Variants in NWD1 observed in about 807,000 individuals in gnomAD.
NWD1 encodes NACHT domain- and WD repeat-containing protein 1.
In NWD1, 129 loss-of-function variants were observed where a neutral mutation model predicts 135.1. That is an observed-to-expected ratio of 0.96 (90% CI 0.83 to 1.11). The LOEUF (loss-of-function observed/expected upper bound fraction) is 1.11. Among genes scored for constraint, NWD1 ranks in the 50% least tolerant of loss-of-function variants. The probability of loss-of-function intolerance (pLI) is 0.00; values close to 1 mark genes in which losing one functional copy is unlikely to be tolerated. For missense variants in NWD1, 1,740 were observed against 1,851.3 expected, an observed-to-expected ratio of 0.94 and a Z score of 1.10; for synonymous variants, 773 against 786.0, an observed-to-expected ratio of 0.98 and a Z score of 0.28.
chr19:16,794,691 C>T, intron 15 of NWD1, 138 bp downstream of exon 15: 1 of 672,882 alleles, frequency 1.5e-6, no homozygotes, highest in Non-Finnish European at 2.7e-6. Context: ...TCATAGTAAA[C>T]ATTTTTTGCA....
chr19:16,800,162 GGTT>G lies in NWD1; in HGVS notation c.3736+2_3736+4del. On this transcript the variant is annotated splice_donor_variant and splice_donor_region_variant and intron_variant, in intron 17 of 18. Transcript: ENST00000524140. LOFTEE classifies it high-confidence loss of function. Reference sequence around the variant, plus strand: ...AGTCACTATTTGGGACTTGGCAGAAGGTTGGTAAGGTATAAGTATGGTCATTTT... The same window carrying G: ...AGTCACTATTTGGGACTTGGCAGAAGGGTAAGGTATAAGTATGGTCATTTT... The G allele has an allele frequency of 6.2e-7, 1 of 1,607,912 alleles. No homozygotes were observed.
Position 16,750,230 on chromosome 19 carries a change from T to C in NWD1, c.1588T>C (p.Cys530Arg). ...TDLLWASLPE[C>R]GNPGRLRLAF... ...TTTGCTCTGGGCCAGCCTCCCAGAG[T>C]GTGGGAACCCAGGGCGGCTGAGGCT... Residue 530 changes from cysteine (C) to arginine (R), a missense_variant, in exon 6 of 19, where the codon TGT (cysteine) becomes CGT (arginine). Coordinates refer to ENST00000524140, the MANE Select transcript of NWD1 (RefSeq NM_001007525.5). 1 of 1,613,114 alleles carries C rather than the reference T, an allele frequency of 6.2e-7. No homozygotes were observed. Among genetic ancestry groups the C allele is most frequent in the South Asian group, 1.1e-5 (1 of 91,036 alleles).
At chr19:16,746,564 T>C (rs1038271527) in intron 5 of NWD1, among the ~76,000 whole-genome samples, 2 of 151,966 alleles carry the variant, frequency 1.3e-5, no homozygotes, top group African/African-American at 2.4e-5. Context: ...TCCCAGCTAC[T>C]CGGGAGGCTG....
chr19:16,730,313 T>C (rs1309561759), intron 2 of NWD1, among the ~76,000 whole-genome samples: 2 of 151,586 alleles, frequency 1.3e-5, no homozygotes, highest in Non-Finnish European at 2.9e-5. Flanking sequence ...AGAGTAAGAC[T>C]TCGTCTCAAA....
intron 17 of NWD1, among the ~76,000 whole-genome samples, chr19:16,803,719 C>A (rs1970668875): frequency 1.3e-5 from 2 of 149,824 alleles, no homozygotes; most frequent in South Asian, 2.1e-4. Flanking sequence ...GAGTTGGAGA[C>A]CAGCCTGGCC....
chr19:16,794,104 G>A (rs933272141), intron 14 of NWD1, among the ~76,000 whole-genome samples: 2 of 152,078 alleles, frequency 1.3e-5, no homozygotes, highest in African/African-American at 4.8e-5. Context: ...GGTGGCTCAC[G>A]CCTGTAATCC....
chr19:16,773,112 T>C lies in NWD1; in HGVS notation c.2411-14T>C, dbSNP rs1313246634. Reference sequence around the variant, plus strand: ...CTCAATCCAGGCAACTTAGTCTACATCCCTTTGTTGCAGAGAGGAGCCTCC... The same window carrying C: ...CTCAATCCAGGCAACTTAGTCTACACCCCTTTGTTGCAGAGAGGAGCCTCC... On this transcript the variant is annotated splice_polypyrimidine_tract_variant and intron_variant, in intron 10 of 18. Transcript: ENST00000524140. The C allele has an allele frequency of 2.5e-6, 4 of 1,611,928 alleles. No individual in the cohort carries two copies. Among genetic ancestry groups the C allele is most frequent in the Non-Finnish European group, 3.4e-6 (4 of 1,178,356 alleles).
chr19:16,799,275 A>C (rs1391910863), intron 16 of NWD1, among the ~76,000 whole-genome samples: 3 of 152,172 alleles, frequency 2.0e-5, no homozygotes, highest in Non-Finnish European at 2.9e-5. Context: ...AGCTCACTGC[A>C]ATCTCTGCCT....
intron 2 of NWD1, among the ~76,000 whole-genome samples, chr19:16,728,711 G>T (rs928778461): frequency 1.4e-4 from 22 of 151,848 alleles, no homozygotes; most frequent in Admixed American, 6.6e-5. Flanking sequence ...TTGGGAGGCC[G>T]AGGCGGGCGA....
Position 16,794,545 on chromosome 19 carries a change from T to C in NWD1, c.3296T>C (p.Leu1099Pro). The C allele has an allele frequency of 6.2e-7, 1 of 1,602,618 alleles. No homozygotes were observed. The highest frequency in any genetic ancestry group is 8.5e-7 in the Non-Finnish European group (1 of 1,172,326). ...GTGGTCTCTGAAGATGAGTCCCTCCTCGCCGCAGGTAGCGTTTAGCTCTCA... is the reference window on the plus strand; with the variant it reads ...GTGGTCTCTGAAGATGAGTCCCTCCCCGCCGCAGGTAGCGTTTAGCTCTCA... ...FLVVSEDESL[L>P]AAGFGRSVRI... The change falls in exon 15 of 19, where the codon CTC (leucine) becomes CCC (proline). Residue 1099 changes from leucine (L) to proline (P), a missense_variant. Physicochemically the swap from Leu to Pro is moderately conservative, Grantham distance 98. Coordinates refer to ENST00000524140, the MANE Select transcript of NWD1 (RefSeq NM_001007525.5).
At chr19:16,789,282 A>G in intron 13 of NWD1, 92 bp downstream of exon 13, 1 of 962,750 alleles carries the variant, frequency 1.0e-6, no homozygotes, top group Non-Finnish European at 1.6e-6. Flanking sequence ...GCTCCCTGAT[A>G]CAGTGATGGG....
Position 16,738,786 on chromosome 19 carries a change from TATA to T in NWD1, c.198+2041_198+2043del, listed in dbSNP as rs1394606967. Among the ~76,000 whole-genome samples, 35 of 115,282 alleles carry T rather than the reference TATA, an allele frequency of 3.0e-4. 1 individual carries two copies. The East Asian group carries it at 5.7e-3, about 19-fold the overall frequency. 75.6% of individuals were successfully genotyped at this position (115,282 alleles called of 152,430 possible). On this transcript the variant is annotated intron_variant, in intron 4 of 18. Transcript: ENST00000524140. ...ATATAATGATATATAATATATAATA[TATA>T]ATAACATATAACATACTATTATATG...
chr19:16,807,508 C>T, intron 17 of NWD1, 78 bp from the exon 18 acceptor site: 1 of 1,257,116 alleles, frequency 8.0e-7, no homozygotes, highest in Non-Finnish European at 1.1e-6. Flanking sequence ...CAAAACAAAA[C>T]AAAAAAAACC....
In NWD1 at chr19:16,744,308, T is replaced by C. The variant is rs1030853712; in HGVS notation, c.199-113T>C. 1.4e-4 allele frequency: 113 copies of C among 804,084 alleles called. 1 individual carries two copies. The highest frequency in any genetic ancestry group is 1.8e-4 in the Non-Finnish European group (93 of 505,946). 49.8% of individuals were successfully genotyped at this position (804,084 alleles called of 1,614,324 possible). On this transcript the variant is annotated intron_variant, in intron 4 of 18. Transcript: ENST00000524140. ...GGGAGGATCACTTAAACCCAGGAGG[T>C]TGAGGCTGCAGTGAGCCATGGTTGT...
chr19:16,793,538 T>A (rs1970319127), intron 14 of NWD1, among the ~76,000 whole-genome samples: 1 of 150,852 alleles, frequency 6.6e-6, no homozygotes, highest in Non-Finnish European at 1.5e-5. Flanking sequence ...AATTTGTTTT[T>A]TACCTTTTTT....
At chr19:16,771,039 C>T (rs1907842246) in intron 10 of NWD1, among the ~76,000 whole-genome samples, 1 of 152,124 alleles carries the variant, frequency 6.6e-6, no homozygotes, top group Admixed American at 6.6e-5. Context: ...GGGGTTCACG[C>T]TTCTAATCCC....
At chr19:16,726,556 C>G (rs1437206336) in intron 2 of NWD1, among the ~76,000 whole-genome samples, 1 of 152,146 alleles carries the variant, frequency 6.6e-6, no homozygotes, top group East Asian at 1.9e-4. Context: ...TCTCCTGCCT[C>G]AGCCTCCCAA....
chr19:16,731,232 C>T lies in NWD1; in HGVS notation c.35C>T (p.Thr12Ile), dbSNP rs1253719733. 2.0e-6 allele frequency: 3 copies of T among 1,534,856 alleles called. No individual in the cohort carries two copies. The African/African-American group carries it at 4.1e-5, about 21-fold the overall frequency. The part of the protein sequence containing the change: ...QRGKPCRALP[T>I]LKCQTFCQRH... ...GGGAAGCCCTGCAGAGCACTGCCTA[C>T]CCTGAAGTGCCAGACCTTCTGCCAG... Residue 12 changes from threonine (T) to isoleucine (I), a missense_variant, in exon 3 of 19, where the codon ACC becomes ATC. Thr to Ile is a moderately conservative substitution (Grantham distance 89). Transcript: ENST00000524140.
chr19:16,797,568 G>A (rs1329970360), intron 15 of NWD1, among the ~76,000 whole-genome samples, 164 bp from the exon 16 acceptor site: 1 of 152,010 alleles, frequency 6.6e-6, no homozygotes, highest in Non-Finnish European at 1.5e-5. Context: ...GGCTGATCTC[G>A]AACTCCTGAC....
Sources: gnomAD v4.1 joint callset for allele counts (sites outside exome capture counted in the v4.1 genomes callset) on GRCh38, gnomAD v4.1.1 for gene constraint, MANE v1.5 for transcripts, NCBI Gene and HGNC (gene_info 2026-07-23, HGNC 2026-07-21) for gene names.